Variants in TBC1D4 observed in about 807,000 individuals in gnomAD.
TBC1D4 encodes TBC1 domain family member 4, also known as TBC (Tre-2, BUB2, CDC16) domain-containing protein.
Under a neutral mutation model 142.5 loss-of-function variants are expected in TBC1D4, and 121 were observed. The ratio of observed to expected loss-of-function variants is 0.85; its 90% confidence interval spans 0.73 to 0.99. The LOEUF (loss-of-function observed/expected upper bound fraction) is 0.99. Ranked by LOEUF, TBC1D4 falls within the 50% of genes least tolerant of loss-of-function variation. TBC1D4 has a pLI of 0.00. For missense variants in TBC1D4, 1,475 were observed against 1,606.6 expected (o/e 0.92, Z 1.40); for synonymous variants, 630 against 628.2 (o/e 1.00, Z -0.04).
intron 1 of TBC1D4, among the ~76,000 whole-genome samples, chr13:75,453,829 T>C (rs1887623436): frequency 6.7e-6 from 1 of 149,634 alleles, no homozygotes; most frequent in Non-Finnish European, 1.5e-5. Context: ...GCCACTGCCA[T>C]CCAGCCTGGA....
Position 75,326,364 on chromosome 13 carries a change from A to G in TBC1D4, c.1866T>C (p.Ala622=), listed in dbSNP as rs1048431661. 1.2e-6 allele frequency: 2 copies of G among 1,614,148 alleles called. No homozygotes were observed. The highest frequency in any genetic ancestry group is 1.1e-5 in the South Asian group (1 of 91,080). ...GTPPASPPSS[A]WQTFPEEDSD... ...AATCCTCTTCGGGAAACGTTTGCCA[A>G]GCTGAGGACGGTGGGGACGCTGGCG... The change falls in exon 10 of 21, where the codon GCT becomes GCC. Residue 622 remains alanine, a synonymous_variant. Coordinates refer to ENST00000377636, the MANE Select transcript of TBC1D4 (RefSeq NM_014832.5).
chr13:75,405,231 T>A (rs1467026981), intron 1 of TBC1D4, among the ~76,000 whole-genome samples: 2 of 150,904 alleles, frequency 1.3e-5, no homozygotes, highest in African/African-American at 4.9e-5. Flanking sequence ...CACAACAAAT[T>A]ATAGGTACGT....
At chr13:75,308,010 C>T (rs542576232) in intron 14 of TBC1D4, among the ~76,000 whole-genome samples, 1 of 152,260 alleles carries the variant, frequency 6.6e-6, no homozygotes, top group East Asian at 1.9e-4. Flanking sequence ...GATTATTGAT[C>T]ATTTAAAATA....
At chr13:75,313,114 C>A (rs1202758030) in intron 12 of TBC1D4, among the ~76,000 whole-genome samples, 6 of 152,158 alleles carry the variant, frequency 3.9e-5, no homozygotes, top group Non-Finnish European at 8.8e-5. Flanking sequence ...AGAGAAGCTC[C>A]CCTGTTTCTA....
chr13:75,301,281 A>G (rs1262802787), intron 16 of TBC1D4, among the ~76,000 whole-genome samples: 2 of 152,330 alleles, frequency 1.3e-5, no homozygotes, highest in East Asian at 3.9e-4. Flanking sequence ...GAGAAAAATT[A>G]GAGACAATAC....
chr13:75,295,093 C>T, intron 17 of TBC1D4, 80 bp from the exon 18 acceptor site: 1 of 1,311,426 alleles, frequency 7.6e-7, no homozygotes, highest in Non-Finnish European at 1.1e-6. Context: ...TAATTTTATT[C>T]TAATATTTAA....
chr13:75,376,697 A>G (rs779691512), intron 1 of TBC1D4, among the ~76,000 whole-genome samples: 2 of 152,180 alleles, frequency 1.3e-5, no homozygotes, highest in Non-Finnish European at 2.9e-5. Flanking sequence ...GGTGACTTTT[A>G]AGTAAACTTT....
chr13:75,401,408 A>G (rs9543923), intron 1 of TBC1D4, among the ~76,000 whole-genome samples: 151,566 of 152,314 alleles, frequency 1, 75,415 homozygotes, highest in Middle Eastern at 1. Flanking sequence ...AGGTCCACCC[A>G]CATAACTATC....
chr13:75,336,313 C>T (rs1880193757), intron 8 of TBC1D4, among the ~76,000 whole-genome samples: 1 of 152,078 alleles, frequency 6.6e-6, no homozygotes, highest in African/African-American at 2.4e-5. Flanking sequence ...AGAAGAATCG[C>T]TTGAACCCAG....
chr13:75,305,521 A>G (rs946743674), intron 15 of TBC1D4, among the ~76,000 whole-genome samples: 5 of 152,250 alleles, frequency 3.3e-5, no homozygotes, highest in African/African-American at 1.2e-4. Flanking sequence ...AGAACACTAT[A>G]TTAAGTTTGT....
At chr13:75,314,393 T>C (rs929407378) in intron 12 of TBC1D4, among the ~76,000 whole-genome samples, 31 of 152,278 alleles carry the variant, frequency 2.0e-4, no homozygotes, top group African/African-American at 6.7e-4. Context: ...AGGCAATTAA[T>C]AGTGAGAAGA....
intron 1 of TBC1D4, among the ~76,000 whole-genome samples, chr13:75,432,764 G>C (rs9318346): frequency 0.035 from 5,391 of 152,036 alleles, 323 homozygotes; most frequent in African/African-American, 0.12. Context: ...TTATAAATGA[G>C]TCAGCTGAGA....
chr13:75,387,731 C>G (rs1036410559), intron 1 of TBC1D4, among the ~76,000 whole-genome samples: 3 of 152,202 alleles, frequency 2.0e-5, no homozygotes, highest in Admixed American at 6.5e-5. Context: ...AAGACTATGT[C>G]TGCCTAACAC....
At chr13:75,359,162 T>A (rs570326882) in intron 3 of TBC1D4, among the ~76,000 whole-genome samples, 32 of 152,304 alleles carry the variant, frequency 2.1e-4, no homozygotes, top group Admixed American at 3.3e-4. Context: ...ATTTAGATAC[T>A]CCTTCTATCT....
chr13:75,327,494 A>T (rs1879364431), intron 9 of TBC1D4, among the ~76,000 whole-genome samples: 1 of 152,228 alleles, frequency 6.6e-6, no homozygotes, highest in African/African-American at 2.4e-5. Context: ...CATTGGATCA[A>T]TAGTTGCTCA....
Position 75,481,879 on chromosome 13 carries a change from C to G in TBC1D4, c.-112G>C. On this transcript the variant is annotated 5_prime_UTR_variant, in exon 1 of 21. Coordinates refer to ENST00000377636, the MANE Select transcript of TBC1D4 (RefSeq NM_014832.5). The stretch of plus-strand genomic sequence containing the variant: ...CCAACTGCCGCACCGGGCTCCCGCG[C>G]CTGCCTGGGAGCGGCGCGACCCCGA... 1 of 1,358,936 alleles carries G rather than the reference C, an allele frequency of 7.4e-7. No homozygotes were observed. Among genetic ancestry groups the G allele is most frequent in the Non-Finnish European group, 9.4e-7 (1 of 1,059,732 alleles). The allele number at this position is 1,358,936 out of a possible 1,614,324, so 84.2% of individuals were successfully genotyped here. A position where few individuals can be genotyped will look rare whatever the true frequency, so the allele number is the denominator to read the frequency against.
chr13:75,377,743 T>C (rs1269108944), intron 1 of TBC1D4, among the ~76,000 whole-genome samples: 1 of 150,214 alleles, frequency 6.7e-6, no homozygotes, highest in Non-Finnish European at 1.5e-5. Context: ...TATCAGTATG[T>C]GTGTGTGCAT....
At chr13:75,288,310 T>C (rs369911864) in intron 20 of TBC1D4, among the ~76,000 whole-genome samples, 7 of 152,264 alleles carry the variant, frequency 4.6e-5, no homozygotes, top group African/African-American at 1.7e-4. Context: ...TTCTCTCCCA[T>C]CTCAATCTGT....
At chr13:75,397,578 T>C (rs1884860737) in intron 1 of TBC1D4, among the ~76,000 whole-genome samples, 1 of 152,240 alleles carries the variant, frequency 6.6e-6, no homozygotes, top group Non-Finnish European at 1.5e-5. Flanking sequence ...CTGACAGGTC[T>C]TTCTTTTCCT....
Sources: allele counts gnomAD v4.1 joint callset (sites outside exome capture counted in the v4.1 genomes callset), GRCh38; gene constraint gnomAD v4.1.1; transcripts MANE v1.5; gene names NCBI Gene and HGNC (gene_info 2026-07-23, HGNC 2026-07-21).